SEMA4D: variants seen among roughly 807,000 people sequenced by gnomAD.
SEMA4D encodes the protein semaphorin-4D.
Under a neutral mutation model 74.8 loss-of-function variants are expected in SEMA4D, and 22 were observed. That is an observed-to-expected ratio of 0.29 (90% CI 0.21 to 0.42). The LOEUF (loss-of-function observed/expected upper bound fraction) is 0.42. SEMA4D is among the 10% of genes least tolerant of loss of function. The probability of loss-of-function intolerance (pLI) is 1.00; values close to 1 mark genes in which losing one functional copy is unlikely to be tolerated. For missense variants in SEMA4D, 937 were observed against 1,118.4 expected (o/e 0.84, Z 2.31); for synonymous variants, 445 against 463.7 (o/e 0.96, Z 0.52).
chr9:89,403,352 G>A (rs1433063690), intron 3 of SEMA4D, among the ~76,000 whole-genome samples: 2 of 152,206 alleles, frequency 1.3e-5, no homozygotes, highest in Non-Finnish European at 1.5e-5. Context: ...TGCTCTGCCA[G>A]ATGCTTCCTG....
chr9:89,453,804 T>C (rs1855225995), intron 2 of SEMA4D, among the ~76,000 whole-genome samples: 1 of 151,526 alleles, frequency 6.6e-6, no homozygotes, highest in Non-Finnish European at 1.5e-5. Flanking sequence ...CTGGGAAAAG[T>C]CCCTTAAAAG....
intron 2 of SEMA4D, among the ~76,000 whole-genome samples, chr9:89,448,674 C>T (rs887062025): frequency 3.3e-5 from 5 of 152,228 alleles, no homozygotes; most frequent in African/African-American, 1.2e-4. Flanking sequence ...GAAAGCTATT[C>T]AATGAAAGGG....
downstream of SEMA4D, chr9:89,377,198 G>C (rs1431959250): frequency 8.0e-7 from 1 of 1,246,314 alleles, no homozygotes; most frequent in Non-Finnish European, 1.1e-6. Flanking sequence ...AGGGGCGGGA[G>C]GCTGCACAGC....
intron 2 of SEMA4D, among the ~76,000 whole-genome samples, chr9:89,421,880 TG>T (rs911811311): frequency 1.4e-4 from 22 of 152,236 alleles, no homozygotes; most frequent in Admixed American, 4.6e-4. Flanking sequence ...AAGAACCTGC[TG>T]GCAGCAATGC....
At chr9:89,361,726 C>G (rs999006275) in exon 19 of SEMA4D, 1 of 152,406 alleles carries the variant, frequency 6.6e-6, no homozygotes, top group South Asian at 2.1e-4. Context: ...TAAACTGCAG[C>G]GCTTGATAAA....
intron 2 of SEMA4D, among the ~76,000 whole-genome samples, chr9:89,449,332 A>G (rs1853752605): frequency 6.6e-6 from 1 of 152,238 alleles, no homozygotes; most frequent in Non-Finnish European, 1.5e-5. Context: ...GCAGGAGAGG[A>G]AGTCAAATCC....
At chr9:89,465,001 G>T (rs372578032) in intron 1 of SEMA4D, among the ~76,000 whole-genome samples, 35 of 152,238 alleles carry the variant, frequency 2.3e-4, no homozygotes, top group African/African-American at 8.4e-4. Flanking sequence ...TAAACATCTC[G>T]CATGCTTTAC....
At position 89,377,747 on chromosome 9, in the gene SEMA4D, G is replaced by C. The variant is rs1052868196; in HGVS notation, c.*957C>G. ...ATCTGTCTCACAGGAGGTTCTGACC[G>C]ACAGCTGTGGGCTCCAGATTGTACC... On this transcript the variant is annotated 3_prime_UTR_variant, in exon 16 of 16. Coordinates refer to ENST00000422704, the MANE Select transcript of SEMA4D (RefSeq NM_001371194.2). 1.3e-5 allele frequency: 2 copies of C among 152,160 alleles called. No individual in the cohort carries two copies. The highest frequency in any genetic ancestry group is 2.9e-5 in the Non-Finnish European group (2 of 68,058). 9.4% of individuals were successfully genotyped at this position (152,160 alleles called of 1,614,324 possible).
In SEMA4D at chr9:89,363,331, G is replaced by A; in HGVS notation, c.2190+99C>T. ...CCGGGGCTAAGAGGGAACAAGTGGG[G>A]TCCATGCTGAATGGGGCCCTTGAAA... On this transcript the variant is annotated intron_variant, in intron 18 of 18. Coordinates refer to the SEMA4D transcript ENST00000339861. 3 of 1,533,718 alleles carry A rather than the reference G, an allele frequency of 2.0e-6. 1 individual carries two copies. In the South Asian group the frequency reaches 3.6e-5, roughly 18 times the overall value.
chr9:89,439,475 T>C (rs1055223910), intron 2 of SEMA4D, among the ~76,000 whole-genome samples: 5 of 152,174 alleles, frequency 3.3e-5, no homozygotes, highest in East Asian at 3.8e-4. Flanking sequence ...CTGAAGGTAA[T>C]TGTCTTAAAG....
downstream of SEMA4D, chr9:89,376,930 G>A: frequency 2.6e-6 from 4 of 1,550,832 alleles, no homozygotes; most frequent in Non-Finnish European, 3.5e-6. Context: ...TCGAGCTGCT[G>A]TCGGGCCCCG....
In SEMA4D at chr9:89,381,135, CAT is replaced by C. The variant is rs745972807; in HGVS notation, c.1619+37_1619+38del. On this transcript the variant is annotated intron_variant, in intron 14 of 15. Transcript: ENST00000422704. The surrounding 1 kb of genome is among the most constrained non-coding windows in gnomAD (Gnocchi z 4.6). ...CCGGCACGTGTTATTCACCCACACA[CAT>C]GGGGGACATCCCCAGGCAGCGCATC... 14 of 1,614,054 alleles carry C rather than the reference CAT, an allele frequency of 8.7e-6. No homozygotes were observed. The highest frequency in any genetic ancestry group is 2.7e-5 in the African/African-American group (2 of 74,950).
At chr9:89,443,240 C>A (rs372238820) in intron 2 of SEMA4D, among the ~76,000 whole-genome samples, 2 of 152,186 alleles carry the variant, frequency 1.3e-5, no homozygotes, top group African/African-American at 4.8e-5. Context: ...GGCCGGGTCG[C>A]GAGGTGCTCT....
chr9:89,471,712 G>C (rs558622985), intron 1 of SEMA4D, among the ~76,000 whole-genome samples: 1 of 149,592 alleles, frequency 6.7e-6, no homozygotes, highest in East Asian at 2.0e-4. Context: ...GTGCACGCTG[G>C]CTCAGGTGCA....
At chr9:89,363,546 C>T (rs915143923) in intron 17 of SEMA4D, 13 of 1,613,488 alleles carry the variant, frequency 8.1e-6, no homozygotes, top group Non-Finnish European at 1.1e-5. Context: ...CAAGCAGGGT[C>T]CCCAGGTCAA....
intron 2 of SEMA4D, among the ~76,000 whole-genome samples, chr9:89,423,371 C>T (rs1847382285): frequency 6.6e-6 from 1 of 151,844 alleles, no homozygotes; most frequent in Non-Finnish European, 1.5e-5. Flanking sequence ...TTGTATTTTT[C>T]GTACACACAG....
At chr9:89,471,067 CAAAAT>C (rs1427612512) in intron 1 of SEMA4D, among the ~76,000 whole-genome samples, 2 of 152,120 alleles carry the variant, frequency 1.3e-5, no homozygotes, top group East Asian at 1.9e-4. Flanking sequence ...AAAGGAAAAA[CAAAAT>C]AAAATGACTG....
At chr9:89,396,248 A>G (rs771976649) in intron 6 of SEMA4D, among the ~76,000 whole-genome samples, 5 of 152,188 alleles carry the variant, frequency 3.3e-5, no homozygotes, top group Non-Finnish European at 5.9e-5. Flanking sequence ...GCCAGAGCAC[A>G]GATGCACCAA....
At chr9:89,475,819 G>A (rs1255346969) in intron 1 of SEMA4D, among the ~76,000 whole-genome samples, 1 of 152,126 alleles carries the variant, frequency 6.6e-6, no homozygotes, top group Non-Finnish European at 1.5e-5. Context: ...ACCATGGCTT[G>A]CACAAATATT....
Sources: allele counts gnomAD v4.1 joint callset (sites outside exome capture counted in the v4.1 genomes callset), GRCh38; gene constraint gnomAD v4.1.1; non-coding constraint Gnocchi (gnomAD v3.1); transcripts MANE v1.5; gene names NCBI Gene and HGNC (gene_info 2026-07-23, HGNC 2026-07-21).